Variants in VASN observed in about 807,000 individuals in gnomAD.
VASN encodes protein slit-like 2.
A neutral mutation model predicts 4.8 loss-of-function variants in VASN; 5 were observed. That is an observed-to-expected ratio of 1.03 (90% confidence interval 0.54 to 2.17). VASN has a LOEUF of 2.17. VASN is among the 30% of genes most tolerant of loss of function. VASN has a pLI of 0.01. For missense variants in VASN, 927 were observed against 948.8 expected (o/e 0.98, Z 0.30); for synonymous variants, 499 against 460.8 (o/e 1.08, Z -1.06).
chr16:4,377,086 C>T (rs935221649), intron 1 of VASN, among the ~76,000 whole-genome samples: 11 of 152,262 alleles, frequency 7.2e-5, no homozygotes, highest in South Asian at 6.2e-4. Flanking sequence ...GGGTCGTGGC[C>T]GGGCTGTGGA....
At position 4,383,394 on chromosome 16, in the gene VASN, A is replaced by G. The variant is rs1438495145; in HGVS notation, c.*495A>G. Reference sequence around the variant, plus strand: ...TGTTTTGCTTTTTTAAAATATATATATATTTATAAGAGATCCTTTCCCATT... The same window carrying G: ...TGTTTTGCTTTTTTAAAATATATATGTATTTATAAGAGATCCTTTCCCATT... On this transcript the variant is annotated 3_prime_UTR_variant, in exon 2 of 2. Transcript: ENST00000304735. 6.0e-6 allele frequency: 1 copy of G among 167,876 alleles called. No individual in the cohort carries two copies. The highest frequency in any genetic ancestry group is 1.5e-5 in the Non-Finnish European group (1 of 68,754). The allele number at this position is 167,876 out of a possible 1,614,324, so 10.4% of individuals were successfully genotyped here.
Position 4,381,779 on chromosome 16 carries a change from A to C in VASN, c.902A>C (p.Asn301Thr). Residue 301 changes from asparagine (N) to threonine (T), a missense_variant, in exon 2 of 2, where the codon AAC (asparagine) becomes ACC (threonine). Coordinates refer to ENST00000304735, the MANE Select transcript of VASN (RefSeq NM_138440.3). ...CTGGCAGCTGCCCGCAACCCCTTCA[A>C]CTGCGTGTGCCCCCTGAGCTGGTTT... ...RLLAAARNPF[N>T]CVCPLSWFGP... The C allele has an allele frequency of 6.2e-7, 1 of 1,600,952 alleles. No homozygotes were observed. The highest frequency in any genetic ancestry group is 8.5e-7 in the Non-Finnish European group (1 of 1,179,374).
Position 4,382,029 on chromosome 16 carries a change from G to T in VASN, c.1152G>T (p.Glu384Asp). 1 of 1,596,840 alleles carries T rather than the reference G, an allele frequency of 6.3e-7. No individual in the cohort carries two copies. Among genetic ancestry groups the T allele is most frequent in the African/African-American group, 1.3e-5 (1 of 74,768 alleles). ...SLAPTWLSPT[E>D]PATEAPSPPS... ...CTCCTACCTGGCTTAGCCCCACAGA[G>T]CCGGCCACTGAGGCCCCCAGCCCGC... The change falls in exon 2 of 2, where the codon GAG becomes GAT. Residue 384 changes from glutamate to aspartate, a missense_variant. Physicochemically the swap from Glu to Asp is conservative, Grantham distance 45. Transcript: ENST00000304735.
rs577139431 is a variant in VASN at position 4,382,881 on chromosome 16, C to T, written c.2004C>T (p.His668=). The T allele has an allele frequency of 1.4e-5, 22 of 1,545,104 alleles. No homozygotes were observed. The highest frequency in any genetic ancestry group is 8.0e-5 in the Admixed American group (4 of 49,938). Reference sequence around the variant, plus strand: ...GGCCTGGCCTCCAGTCACCCCTCCACGCAAAGCCCTACATCTAAGCCAGAG... The same window carrying T: ...GGCCTGGCCTCCAGTCACCCCTCCATGCAAAGCCCTACATCTAAGCCAGAG... The part of the protein sequence containing the change: ...FPGPGLQSPL[H]AKPYI The change falls in exon 2 of 2, where the codon CAC becomes CAT. Residue 668 remains histidine (H), a synonymous_variant. Coordinates refer to ENST00000304735, the MANE Select transcript of VASN (RefSeq NM_138440.3).
At chr16:4,378,329 G>A (rs893645092) in intron 1 of VASN, among the ~76,000 whole-genome samples, 3 of 151,960 alleles carry the variant, frequency 2.0e-5, no homozygotes, top group African/African-American at 7.3e-5. Context: ...GGGGAGCTGC[G>A]GCCACAGTGG....
In VASN at chr16:4,381,865, T is replaced by C. The variant is rs2054988118; in HGVS notation, c.988T>C (p.Phe330Leu). Reference protein sequence around the residue: ...LASPEETRCHFPPKNAGRLLL... With the variant: ...LASPEETRCHLPPKNAGRLLL... ...CAGCCCTGAGGAGACGCGCTGCCAC[T>C]TCCCGCCCAAGAACGCTGGCCGGCT... The change falls in exon 2 of 2, where the codon TTC becomes CTC. Residue 330 changes from phenylalanine to leucine, a missense_variant. Coordinates refer to ENST00000304735, the MANE Select transcript of VASN (RefSeq NM_138440.3). The C allele has an allele frequency of 1.2e-6, 2 of 1,603,422 alleles. No individual in the cohort carries two copies. Among genetic ancestry groups the C allele is most frequent in the Non-Finnish European group, 1.7e-6 (2 of 1,179,706 alleles).
Position 4,381,294 on chromosome 16 carries a change from C to G in VASN, c.417C>G (p.Ile139Met). Reference protein sequence around the residue: ...LYLGKNRIRHIQPGAFDTLDR... With the variant: ...LYLGKNRIRHMQPGAFDTLDR... ...TGGGCAAGAACCGCATCCGCCACAT[C>G]CAGCCTGGTGCCTTCGACACGCTCG... The change falls in exon 2 of 2, where the codon ATC (isoleucine) becomes ATG (methionine). Residue 139 changes from isoleucine (I) to methionine (M), a missense_variant. Ile to Met is a conservative substitution (Grantham distance 10). Transcript: ENST00000304735. The G allele has an allele frequency of 6.2e-7, 1 of 1,612,414 alleles. No homozygotes were observed. Among genetic ancestry groups the G allele is most frequent in the Non-Finnish European group, 8.5e-7 (1 of 1,179,802 alleles).
chr16:4,381,309 C>T lies in VASN; in HGVS notation c.432C>T (p.Phe144=), dbSNP rs765216259. ...TCCGCCACATCCAGCCTGGTGCCTT[C>T]GACACGCTCGACCGCCTCCTGGAGC... ...NRIRHIQPGA[F]DTLDRLLELK... Residue 144 remains phenylalanine (F), a synonymous_variant, in exon 2 of 2, where the codon TTC becomes TTT. Coordinates refer to ENST00000304735, the MANE Select transcript of VASN (RefSeq NM_138440.3). 8 of 1,611,774 alleles carry T rather than the reference C, an allele frequency of 5.0e-6. No homozygotes were observed. In the Admixed American group the frequency reaches 6.7e-5, roughly 13 times the overall value.
chr16:4,372,053 T>G (rs2054552522), intron 1 of VASN, 60 bp downstream of exon 1: 1 of 151,720 alleles, frequency 6.6e-6, no homozygotes, highest in Non-Finnish European at 1.5e-5. Context: ...GGCCAGGCTG[T>G]GCACACGCGC....
In VASN at chr16:4,371,854, G is replaced by GGAGCCC. The variant is rs2054540131; in HGVS notation, c.-141_-136dup. 1 of 152,116 alleles carries GGAGCCC rather than the reference G, an allele frequency of 6.6e-6. No homozygotes were observed. The highest frequency in any genetic ancestry group is 1.5e-5 in the Non-Finnish European group (1 of 67,986). 9.4% of individuals were successfully genotyped at this position (152,116 alleles called of 1,614,324 possible). On this transcript the variant is annotated 5_prime_UTR_variant, in exon 1 of 2. Coordinates refer to ENST00000304735, the MANE Select transcript of VASN (RefSeq NM_138440.3). ...GACCTGCCTCCAGCGAGCCGACTCCGGAGCCCGAGCCCGGGGCGGGTGGAC... is the reference window on the plus strand; with the variant it reads ...GACCTGCCTCCAGCGAGCCGACTCCGGAGCCCGAGCCCGAGCCCGGGGCGGGTGGAC...
At chr16:4,373,777 G>A (rs1348552688) in intron 1 of VASN, among the ~76,000 whole-genome samples, 2 of 152,140 alleles carry the variant, frequency 1.3e-5, no homozygotes, top group Non-Finnish European at 2.9e-5. Flanking sequence ...AAGAAAGCAG[G>A]GCCCTGCTGA....
chr16:4,381,415 A>C lies in VASN; in HGVS notation c.538A>C (p.Ser180Arg), dbSNP rs374786488. 3.3e-5 allele frequency: 53 copies of C among 1,584,626 alleles called. No individual in the cohort carries two copies. In the African/African-American group the frequency reaches 6.7e-4, roughly 20 times the overall value. The change falls in exon 2 of 2, where the codon AGC becomes CGC. Residue 180 changes from serine (S) to arginine (R), a missense_variant. Physicochemically the swap from Ser to Arg is moderately radical, Grantham distance 110 (BLOSUM62 -1). Transcript: ENST00000304735. Reference sequence around the variant, plus strand: ...GCTGCTGCTGGACCTCAGCCACAACAGCCTCCTGGCCCTGGAGCCCGGCAT... The same window carrying C: ...GCTGCTGCTGGACCTCAGCCACAACCGCCTCCTGGCCCTGGAGCCCGGCAT... ...RLLLLDLSHNSLLALEPGILD... is the reference protein window; with the variant it reads ...RLLLLDLSHNRLLALEPGILD...
At chr16:4,373,079 G>A (rs1160359297) in intron 1 of VASN, among the ~76,000 whole-genome samples, 1 of 152,150 alleles carries the variant, frequency 6.6e-6, no homozygotes, top group Non-Finnish European at 1.5e-5. Context: ...GCCAGTCCAG[G>A]GGGCAGCAAA....
In VASN at chr16:4,382,065, C is replaced by A; in HGVS notation, c.1188C>A (p.Ala396=). Residue 396 remains alanine, a synonymous_variant, in exon 2 of 2, where the codon GCC becomes GCA. Coordinates refer to ENST00000304735, the MANE Select transcript of VASN (RefSeq NM_138440.3). The stretch of plus-strand genomic sequence containing the variant: ...AGGCCCCCAGCCCGCCCTCCACTGC[C>A]CCACCGACTGTAGGGCCTGTCCCCC... ...ATEAPSPPST[A]PPTVGPVPQP... The A allele has an allele frequency of 6.3e-7, 1 of 1,588,740 alleles. No homozygotes were observed. The highest frequency in any genetic ancestry group is 8.6e-7 in the Non-Finnish European group (1 of 1,169,264).
In VASN at chr16:4,381,726, C is replaced by T. The variant is rs1218944828; in HGVS notation, c.849C>T (p.Leu283=). ...NLSLQALPGD[L]SGLFPRLRLL... ...GCCTGCAGGCCCTGCCTGGCGACCTCTCGGGCCTCTTCCCCCGCCTGCGGC... is the reference window on the plus strand; with the variant it reads ...GCCTGCAGGCCCTGCCTGGCGACCTTTCGGGCCTCTTCCCCCGCCTGCGGC... Residue 283 remains leucine (L), a synonymous_variant, in exon 2 of 2, where the codon CTC becomes CTT. Transcript: ENST00000304735. 2 of 1,606,284 alleles carry T rather than the reference C, an allele frequency of 1.2e-6. No individual in the cohort carries two copies. Among genetic ancestry groups the T allele is most frequent in the Non-Finnish European group, 1.7e-6 (2 of 1,179,508 alleles).
At chr16:4,376,103 G>T (rs1450069009) in intron 1 of VASN, among the ~76,000 whole-genome samples, 1 of 152,182 alleles carries the variant, frequency 6.6e-6, no homozygotes, top group African/African-American at 2.4e-5. Context: ...TATAGGGAGG[G>T]TCTACCTGCC....
At chr16:4,373,573 C>T (rs1335785240) in intron 1 of VASN, among the ~76,000 whole-genome samples, 5 of 152,102 alleles carry the variant, frequency 3.3e-5, no homozygotes, top group African/African-American at 7.2e-5. Context: ...CCCTCTGGCA[C>T]GCAGCCCAGG....
Position 4,381,025 on chromosome 16 carries a change from G to A in VASN, c.148G>A (p.Val50Met), listed in dbSNP as rs140274177. ...ARQGTTVPRDVPPDTVGLYVF... is the reference protein window; with the variant it reads ...ARQGTTVPRDMPPDTVGLYVF... ...CCAGGGGACCACGGTGCCCCGAGAC[G>A]TGCCACCCGACACGGTGGGGCTGTA... is the stretch of plus-strand genomic sequence containing the variant. Residue 50 changes from valine (V) to methionine (M), a missense_variant, in exon 2 of 2, where the codon GTG becomes ATG. Physicochemically the swap from Val to Met is conservative, Grantham distance 21 (BLOSUM62 1). Transcript: ENST00000304735. The A allele has an allele frequency of 2.2e-5, 35 of 1,609,992 alleles. No individual in the cohort carries two copies. Among genetic ancestry groups the A allele is most frequent in the South Asian group, 1.5e-4 (14 of 90,630 alleles).
In VASN at chr16:4,382,915, G is replaced by A. The variant is rs1483179609; in HGVS notation, c.*16G>A. On this transcript the variant is annotated 3_prime_UTR_variant, in exon 2 of 2. Coordinates refer to ENST00000304735, the MANE Select transcript of VASN (RefSeq NM_138440.3). ...CTACATCTAAGCCAGAGAGAGACAG[G>A]GCAGCTGGGGCCGGGCTCTCAGCCA... The A allele has an allele frequency of 6.7e-7, 1 of 1,482,636 alleles. No individual in the cohort carries two copies. Among genetic ancestry groups the A allele is most frequent in the East Asian group, 2.4e-5 (1 of 40,946 alleles). 91.8% of individuals were successfully genotyped at this position (1,482,636 alleles called of 1,614,324 possible).
Sources: gnomAD v4.1 joint callset for allele counts (sites outside exome capture counted in the v4.1 genomes callset) on GRCh38, gnomAD v4.1.1 for gene constraint, MANE v1.5 for transcripts, NCBI Gene and HGNC (gene_info 2026-07-23, HGNC 2026-07-21) for gene names.